ABHD12B: variants seen among roughly 807,000 people sequenced by gnomAD.
The protein encoded by ABHD12B is abhydrolase domain containing 12B, also known as protein ABHD12B.
Under a neutral mutation model 50.4 loss-of-function variants are expected in ABHD12B, and 42 were observed. That is an observed-to-expected ratio of 0.83 (90% CI 0.65 to 1.08). The LOEUF is 1.08. ABHD12B is among the 50% of genes least tolerant of loss of function. The pLI, the probability that ABHD12B is intolerant of heterozygous loss-of-function variation, is 0.00. For missense variants in ABHD12B, 479 were observed against 447.7 expected (o/e 1.07, Z -0.63); for synonymous variants, 167 against 160.3 (o/e 1.04, Z -0.32).
At chr14:50,883,457 C>T (rs1332396595) in intron 5 of ABHD12B, among the ~76,000 whole-genome samples, 2 of 152,274 alleles carry the variant, frequency 1.3e-5, no homozygotes, top group East Asian at 3.9e-4. Context: ...TGGCAGGGGG[C>T]TGGGTGCAGT....
At chr14:50,887,198 C>T in intron 8 of ABHD12B, among the ~76,000 whole-genome samples, 1 of 49,308 alleles carries the variant, frequency 2.0e-5, no homozygotes, top group Non-Finnish European at 3.5e-5. Context: ...GGCGACAGAG[C>T]AAGAGTCTGT....
intron 8 of ABHD12B, among the ~76,000 whole-genome samples, chr14:50,886,997 C>G (rs533725928): frequency 1.3e-5 from 2 of 151,898 alleles, no homozygotes; most frequent in Non-Finnish European, 2.9e-5. Context: ...GGGTGGATCA[C>G]GAGGTCAGGA....
rs1596002262 is a variant in ABHD12B, at chr14:50,880,366, A to G, written c.336-86A>G. 7.3e-6 allele frequency: 10 copies of G among 1,365,406 alleles called. No homozygotes were observed. The East Asian group carries it at 2.1e-4, about 29-fold the overall frequency. The allele number at this position is 1,365,406 out of a possible 1,614,324, so 84.6% of individuals were successfully genotyped here. A position where few individuals can be genotyped will look rare whatever the true frequency, so the allele number is the denominator to read the frequency against. On this transcript the variant is annotated intron_variant, in intron 3 of 12. Transcript: ENST00000337334. The stretch of plus-strand genomic sequence containing the variant: ...TCGGATAAAAAATTAAAATATATGT[A>G]TATATATCATAAGGAGACTTTCGGC...
rs1334594891 is a variant in ABHD12B at position 50,878,763 on chromosome 14, T to G, written c.251T>G (p.Val84Gly). Residue 84 changes from valine (V) to glycine (G), a missense_variant, in exon 3 of 13, where the codon GTG becomes GGG. Transcript: ENST00000337334. ...YFNFFKAPFL[V>G]DLKKPELKIP... is the part of the protein sequence containing the mutation. ...TTTCCAGTCAAAGCCCCATTTCTTG[T>G]GGATTTAAAGAAACCAGAGTTAAAG... is the stretch of plus-strand genomic sequence containing the variant. The G allele has an allele frequency of 1.2e-6, 2 of 1,613,744 alleles. No homozygotes were observed. Among genetic ancestry groups the G allele is most frequent in the East Asian group, 4.5e-5 (2 of 44,890 alleles).
At chr14:50,872,335 A>G in intron 1 of ABHD12B, 57 bp downstream of exon 1, 1 of 1,189,998 alleles carries the variant, frequency 8.4e-7, no homozygotes, top group African/African-American at 1.6e-5. Context: ...CTGCGCGGGG[A>G]TGGGGCAGGG....
Position 50,904,356 on chromosome 14 carries a change from AG to A in ABHD12B, c.1080del (p.Gln360HisfsTer13), listed in dbSNP as rs1434223583. 6.2e-6 allele frequency: 10 copies of A among 1,613,970 alleles called. No individual in the cohort carries two copies. The highest frequency in any genetic ancestry group is 8.5e-6 in the Non-Finnish European group (10 of 1,179,880). Reference protein sequence around the residue: ...LITVRDFLSKQWS With the variant: ...LITVRDFLSKXWS ...TTCTACAGAGATTTCCTGAGCAAGC[AG>A]TGGTCATGAGTCTGGGAGGAGTGGA... On this transcript the variant is annotated frameshift_variant, in exon 13 of 13. Coordinates refer to ENST00000337334, the MANE Select transcript of ABHD12B (RefSeq NM_001206673.2). LOFTEE classifies it high-confidence loss of function.
At chr14:50,872,342 A>G in intron 1 of ABHD12B, 64 bp downstream of exon 1, 1 of 1,147,966 alleles carries the variant, frequency 8.7e-7, no homozygotes, top group Non-Finnish European at 1.1e-6. Flanking sequence ...GGGATGGGGC[A>G]GGGGGCCAGG....
chr14:50,892,966 C>T (rs904833709), intron 9 of ABHD12B: 2 of 151,956 alleles, frequency 1.3e-5, no homozygotes, highest in African/African-American at 4.8e-5. Context: ...TGATTTTTAC[C>T]TTAAATCTCT....
chr14:50,899,678 C>G (rs549960777), intron 9 of ABHD12B, among the ~76,000 whole-genome samples: 1 of 152,070 alleles, frequency 6.6e-6, no homozygotes, highest in African/African-American at 2.4e-5. Flanking sequence ...AATCCCAGCA[C>G]TTTGGGAGGC....
Position 50,888,816 on chromosome 14 carries a change from A to T in ABHD12B, c.701-8A>T, listed in dbSNP as rs1166537525. ...ACTGATTTCTTTCTTTCTTTCTTTC[A>T]TTTCAAGGATGCCCAGTTGATGCTA... is the stretch of plus-strand genomic sequence containing the variant. On this transcript the variant is annotated splice_polypyrimidine_tract_variant and splice_region_variant and intron_variant, in intron 8 of 12. Coordinates refer to ENST00000337334, the MANE Select transcript of ABHD12B (RefSeq NM_001206673.2). The T allele has an allele frequency of 1.9e-6, 3 of 1,613,090 alleles. No homozygotes were observed. Among genetic ancestry groups the T allele is most frequent in the Admixed American group, 1.7e-5 (1 of 59,884 alleles).
intron 9 of ABHD12B, among the ~76,000 whole-genome samples, chr14:50,890,562 T>A (rs2050103772): frequency 6.6e-6 from 1 of 152,218 alleles, no homozygotes; most frequent in Non-Finnish European, 1.5e-5. Context: ...GAAAGTAAAA[T>A]TATATAGAAT....
intron 1 of ABHD12B, among the ~76,000 whole-genome samples, chr14:50,877,457 C>G (rs982027923): frequency 6.6e-6 from 1 of 152,202 alleles, no homozygotes; most frequent in Non-Finnish European, 1.5e-5. Flanking sequence ...CCCTTCCTGT[C>G]CCTGCCATGT....
chr14:50,901,768 TA>T (rs2050262317), intron 9 of ABHD12B, 60 bp from the exon 10 acceptor site: 1 of 1,105,516 alleles, frequency 9.0e-7, no homozygotes, highest in Admixed American at 2.6e-5. Flanking sequence ...AGTGAAAGAC[TA>T]TATAACAGAT....
rs972616050 is a variant in ABHD12B, at chr14:50,878,752, C to T, written c.240C>T (p.Ala80=). ...DMLIYFNFFK[A]PFLVDLKKPE... Reference sequence around the variant, plus strand: ...ATGATTTTTACTTTCCAGTCAAAGCCCCATTTCTTGTGGATTTAAAGAAAC... The same window carrying T: ...ATGATTTTTACTTTCCAGTCAAAGCTCCATTTCTTGTGGATTTAAAGAAAC... Residue 80 remains alanine (A), a synonymous_variant, in exon 3 of 13, where the codon GCC becomes GCT. Transcript: ENST00000337334. The T allele has an allele frequency of 3.7e-6, 6 of 1,613,328 alleles. No individual in the cohort carries two copies. The South Asian group carries it at 6.6e-5, about 18-fold the overall frequency.
chr14:50,885,931 C>T (rs778040935), intron 7 of ABHD12B, 36 bp downstream of exon 7: 2 of 1,611,308 alleles, frequency 1.2e-6, no homozygotes, highest in Non-Finnish European at 1.7e-6. Context: ...TTAGGCAGGT[C>T]CTTGAGGCTT....
chr14:50,878,613 C>T (rs1167901994), intron 2 of ABHD12B, 132 bp from the exon 3 acceptor site: 2 of 710,704 alleles, frequency 2.8e-6, no homozygotes, highest in African/African-American at 1.8e-5. Flanking sequence ...ATAAAATACT[C>T]TGCTAGGAGT....
chr14:50,900,704 C>T (rs559585459), intron 9 of ABHD12B, among the ~76,000 whole-genome samples: 3 of 152,180 alleles, frequency 2.0e-5, no homozygotes, highest in Admixed American at 1.3e-4. Flanking sequence ...TAAAGGCAAG[C>T]GCCTTGAGGT....
At chr14:50,878,101 A>AT in intron 2 of ABHD12B, 22 bp downstream of exon 2, 1 of 1,496,706 alleles carries the variant, frequency 6.7e-7, no homozygotes. Flanking sequence ...CCTTCCATAA[A>AT]TTTTCCTATA....
intron 1 of ABHD12B, among the ~76,000 whole-genome samples, chr14:50,874,157 T>C (rs561486993): frequency 1.4e-4 from 21 of 152,314 alleles, no homozygotes; most frequent in Non-Finnish European, 2.1e-4. Context: ...CCCAAGAACA[T>C]TTCATCATAT....
Sources: allele counts gnomAD v4.1 joint callset (sites outside exome capture counted in the v4.1 genomes callset), GRCh38; gene constraint gnomAD v4.1.1; transcripts MANE v1.5; gene names NCBI Gene and HGNC (gene_info 2026-07-23, HGNC 2026-07-21).